Variants in TTLL7 observed in about 807,000 individuals in gnomAD.
The protein encoded by TTLL7 is tubulin tyrosine ligase like 7.
In TTLL7, 53 loss-of-function variants were observed where a neutral mutation model predicts 120.2. The observed-to-expected ratio is 0.44, with a 90% CI of 0.35 to 0.55. TTLL7 has a LOEUF of 0.55. Ranked by LOEUF, TTLL7 falls within the 20% of genes least tolerant of loss-of-function variation. The probability of loss-of-function intolerance (pLI) is 0.00; values close to 1 mark genes in which losing one functional copy is unlikely to be tolerated. For synonymous variants in TTLL7, 353 were observed against 351.7 expected, an observed-to-expected ratio of 1.00 and a Z score of -0.04; for missense variants, 803 against 1,054.7, an observed-to-expected ratio of 0.76 and a Z score of 3.31.
At chr1:83,878,663 T>A (rs1052751637) in intron 20 of TTLL7, among the ~76,000 whole-genome samples, 4 of 152,038 alleles carry the variant, frequency 2.6e-5, no homozygotes, top group African/African-American at 7.2e-5. Context: ...TATCCAAATA[T>A]TTAATGTTCT....
intron 9 of TTLL7, among the ~76,000 whole-genome samples, chr1:83,932,658 A>G (rs560100833): frequency 6.6e-6 from 1 of 152,128 alleles, no homozygotes; most frequent in East Asian, 1.9e-4. Flanking sequence ...CTCACCTACC[A>G]CTCATTTAAT....
In TTLL7 at chr1:83,948,622, G is replaced by T. The variant is rs745490626; in HGVS notation, c.347+6C>A. 6.3e-7 allele frequency: 1 copy of T among 1,594,650 alleles called. No individual in the cohort carries two copies. Among genetic ancestry groups the T allele is most frequent in the Admixed American group, 1.7e-5 (1 of 59,774 alleles). On this transcript the variant is annotated splice_donor_region_variant and intron_variant, in intron 5 of 20. Coordinates refer to ENST00000260505, the MANE Select transcript of TTLL7 (RefSeq NM_024686.6). ...GTCTTCTCCATTACAAGAAAATAAA[G>T]ATTACTTGGTCATATTTCTTGCTAA... is the stretch of plus-strand genomic sequence containing the variant.
At position 83,973,299 on chromosome 1, in the gene TTLL7, T is replaced by A. The variant is rs117665860; in HGVS notation, c.-176-20912A>T. On this transcript the variant is annotated intron_variant, in intron 1 of 20. Transcript: ENST00000260505. ...CATCTTTTTGCATGTGATGTCTAGT[T>A]GTTCCAGCATGATTTGTTGAAAAGA... Among the ~76,000 whole-genome samples the A allele has an allele frequency of 1.6e-4, 24 of 152,174 alleles. No homozygotes were observed. In the East Asian group the frequency reaches 4.4e-3, roughly 28 times the overall value.
intron 1 of TTLL7, chr1:83,980,096 G>C (rs1050253176): frequency 6.6e-6 from 1 of 152,114 alleles, no homozygotes; most frequent in Non-Finnish European, 1.5e-5. Context: ...ATCTTTTAGT[G>C]AGTGAGAATT....
At chr1:83,953,183 A>G (rs573092391) in intron 1 of TTLL7, among the ~76,000 whole-genome samples, 1 of 152,326 alleles carries the variant, frequency 6.6e-6, no homozygotes, top group African/African-American at 2.4e-5. Context: ...AACATGGCCT[A>G]TAGTACACTT....
intron 8 of TTLL7, among the ~76,000 whole-genome samples, chr1:83,934,465 T>C (rs1647222087): frequency 6.6e-6 from 1 of 152,072 alleles, no homozygotes; most frequent in South Asian, 2.1e-4. Context: ...ATCTTGAGAG[T>C]TGAGTTTCTT....
In TTLL7 at chr1:83,950,232, C is replaced by T. The variant is rs78201765; in HGVS notation, c.158-246G>A. ...TCGATCTTCTCAGGTTTAACAGGTA[C>T]ACAAAACTGCCAAAGGGTTTAGTGA... On this transcript the variant is annotated intron_variant, in intron 3 of 20. Coordinates refer to ENST00000260505, the MANE Select transcript of TTLL7 (RefSeq NM_024686.6). 3.4e-4 allele frequency among the ~76,000 whole-genome samples: 51 copies of T among 152,216 alleles called. No individual in the cohort carries two copies. The East Asian group carries it at 7.9e-3, about 24-fold the overall frequency.
At chr1:83,933,516 G>A (rs1659774013) in intron 9 of TTLL7, 92 bp downstream of exon 9, 1 of 1,337,336 alleles carries the variant, frequency 7.5e-7, no homozygotes, top group Non-Finnish European at 1.0e-6. Flanking sequence ...GACAGTTAAT[G>A]GGACAACTGT....
At chr1:83,967,637 G>A (rs569875381) in intron 1 of TTLL7, among the ~76,000 whole-genome samples, 1 of 152,056 alleles carries the variant, frequency 6.6e-6, no homozygotes, top group African/African-American at 2.4e-5. Context: ...TTATTAACCT[G>A]AAAAAAGAGA....
chr1:83,886,547 G>A (rs139164726), intron 19 of TTLL7, among the ~76,000 whole-genome samples: 2 of 151,946 alleles, frequency 1.3e-5, no homozygotes, highest in Admixed American at 6.6e-5. Context: ...GCATAATCCA[G>A]CCTAGAAATA....
chr1:83,966,518 A>G (rs1650476135), intron 1 of TTLL7, among the ~76,000 whole-genome samples: 1 of 152,146 alleles, frequency 6.6e-6, no homozygotes, highest in African/African-American at 2.4e-5. Context: ...TGAGGCAAGA[A>G]GGTTCTGGAG....
chr1:83,976,071 GTGTGTC>G (rs1651455761), intron 1 of TTLL7, among the ~76,000 whole-genome samples: 1 of 145,780 alleles, frequency 6.9e-6, no homozygotes, highest in African/African-American at 2.6e-5. Flanking sequence ...GTGTGTGTGT[GTGTGTC>G]TGTGTGTGTA....
chr1:83,900,240 G>A, intron 18 of TTLL7: 1 of 396,966 alleles, frequency 2.5e-6, no homozygotes, highest in South Asian at 1.9e-5. Flanking sequence ...TTGCTACTGA[G>A]TCTAGAATTA....
At chr1:83,963,239 G>A (rs886754318) in intron 1 of TTLL7, among the ~76,000 whole-genome samples, 6 of 152,048 alleles carry the variant, frequency 3.9e-5, no homozygotes, top group Non-Finnish European at 8.8e-5. Context: ...TTGGTTCAGA[G>A]ATGAACACAG....
intron 14 of TTLL7, among the ~76,000 whole-genome samples, chr1:83,913,732 G>C (rs1249736935): frequency 1.3e-5 from 2 of 152,180 alleles, no homozygotes; most frequent in African/African-American, 4.8e-5. Flanking sequence ...CAAATACATT[G>C]TTAGTTTCCA....
In TTLL7 at chr1:83,911,342, T is replaced by C; in HGVS notation, c.1609A>G (p.Ser537Gly). ...GPKPLCSMPE[S>G]TEIMKRPKYC... is the part of the protein sequence containing the mutation. ...TTTGGTCTTTTCATTATCTCAGTAC[T>C]CTCAGGCATAGAACACAGAGGCTAA... The change falls in exon 15 of 21, where the codon AGT becomes GGT. Residue 537 changes from serine (S) to glycine (G), a missense_variant. Physicochemically the swap from Ser to Gly is moderately conservative, Grantham distance 56. Transcript: ENST00000260505. 1.2e-6 allele frequency: 2 copies of C among 1,613,018 alleles called. No homozygotes were observed. The highest frequency in any genetic ancestry group is 1.7e-6 in the Non-Finnish European group (2 of 1,179,348).
chr1:83,998,522 T>C (rs1952065), intron 1 of TTLL7, among the ~76,000 whole-genome samples: 72,448 of 152,164 alleles, frequency 0.48, 18,366 homozygotes, highest in Non-Finnish European at 0.57. Flanking sequence ...GGCATTTTGA[T>C]ACCCTTTCAA....
chr1:83,942,717 A>G (rs1648093987), intron 6 of TTLL7, 38 bp from the exon 7 acceptor site: 3 of 1,481,354 alleles, frequency 2.0e-6, no homozygotes, highest in South Asian at 1.2e-5. Flanking sequence ...ATGATTTGAC[A>G]TAGAGCAAGG....
chr1:83,869,057 C>A lies in TTLL7; in HGVS notation c.*905G>T, dbSNP rs189094077. Reference sequence around the variant, plus strand: ...ATGGCACAATCTCGGCTCACTGCAACCTCCGCCTCCCAGGTTCAAGTGATT... The same window carrying A: ...ATGGCACAATCTCGGCTCACTGCAAACTCCGCCTCCCAGGTTCAAGTGATT... On this transcript the variant is annotated 3_prime_UTR_variant, in exon 21 of 21. Coordinates refer to ENST00000260505, the MANE Select transcript of TTLL7 (RefSeq NM_024686.6). 6.6e-6 allele frequency: 1 copy of A among 151,416 alleles called. No individual in the cohort carries two copies. The highest frequency in any genetic ancestry group is 2.4e-5 in the African/African-American group (1 of 41,186). The allele number at this position is 151,416 out of a possible 1,614,324, so 9.4% of individuals were successfully genotyped here.
Sources: gnomAD v4.1 joint callset for allele counts (sites outside exome capture counted in the v4.1 genomes callset) on GRCh38, gnomAD v4.1.1 for gene constraint, MANE v1.5 for transcripts, NCBI Gene and HGNC (gene_info 2026-07-23, HGNC 2026-07-21) for gene names.